The following HCN1 variants were observed in gnomAD, a reference collection of about 807,000 sequenced individuals.
HCN1 encodes potassium/sodium hyperpolarization-activated cyclic nucleotide-gated channel 1.
A neutral mutation model predicts 78.9 loss-of-function variants in HCN1; 13 were observed. The observed-to-expected ratio is 0.16, with a 90% CI of 0.11 to 0.26. The LOEUF is 0.26. Ranked by LOEUF, HCN1 falls within the 10% of genes least tolerant of loss-of-function variation. The probability of loss-of-function intolerance (pLI) is 1.00; values close to 1 mark genes in which losing one functional copy is unlikely to be tolerated. For synonymous variants in HCN1, 552 were observed against 455.5 expected (o/e 1.21, Z -2.70); for missense variants, 810 against 1,154.3 (o/e 0.70, Z 4.32).
chr5:45,465,091 G>T (rs1041652297), intron 2 of HCN1, among the ~76,000 whole-genome samples: 1 of 151,996 alleles, frequency 6.6e-6, no homozygotes, highest in Non-Finnish European at 1.5e-5. Context: ...TTGTCTTGGT[G>T]CTATTGCATG....
intron 2 of HCN1, among the ~76,000 whole-genome samples, chr5:45,606,287 C>T (rs1321293799): frequency 6.6e-6 from 1 of 151,748 alleles, no homozygotes; most frequent in Non-Finnish European, 1.5e-5. Context: ...CCACCTGGTA[C>T]AGAACAGATT....
intron 6 of HCN1, among the ~76,000 whole-genome samples, chr5:45,287,273 C>T (rs932400659): frequency 2.0e-5 from 3 of 151,830 alleles, no homozygotes; most frequent in African/African-American, 4.8e-5. Context: ...CACCACCAAC[C>T]TCTAGGCTCA....
chr5:45,655,375 T>A (rs1745745625), intron 1 of HCN1, among the ~76,000 whole-genome samples: 1 of 152,048 alleles, frequency 6.6e-6, no homozygotes, highest in Non-Finnish European at 1.5e-5. Context: ...AATCATCTAG[T>A]TTAGGACGCT....
chr5:45,459,401 CAAAA>C (rs34217584), intron 3 of HCN1, among the ~76,000 whole-genome samples: 1 of 111,634 alleles, frequency 9.0e-6, no homozygotes. Flanking sequence ...AATCTGCAGC[CAAAA>C]AAAAAAAAAA....
At chr5:45,321,804 T>C (rs1281511427) in intron 5 of HCN1, among the ~76,000 whole-genome samples, 1 of 151,914 alleles carries the variant, frequency 6.6e-6, no homozygotes, top group African/African-American at 2.4e-5. Context: ...ATCTTGCATT[T>C]TATTGCATAT....
At chr5:45,497,936 A>G (rs958978971) in intron 2 of HCN1, among the ~76,000 whole-genome samples, 2 of 152,084 alleles carry the variant, frequency 1.3e-5, no homozygotes, top group Admixed American at 6.6e-5. Flanking sequence ...TGGCTTGTAG[A>G]GTTTCTGCCG....
chr5:45,419,343 A>G (rs1011622735), intron 3 of HCN1, among the ~76,000 whole-genome samples: 3 of 152,172 alleles, frequency 2.0e-5, no homozygotes, highest in African/African-American at 7.2e-5. Context: ...ATACCCTCGG[A>G]GTGTGAAGAA....
Position 45,695,886 on chromosome 5 carries a change from C to T in HCN1, c.208G>A (p.Gly70Ser), listed in dbSNP as rs1255330911. The stretch of plus-strand genomic sequence containing the variant: ...GCCGGCTCCTCGCCGCCGCCGCCGC[C>T]GCCGCCACCGCCGCCACCGCCGTCC... ...KVDGGGGGGG[G>S]GGGGEEPAGG... The change falls in exon 1 of 8, where the codon GGC becomes AGC. Residue 70 changes from glycine to serine, a missense_variant. Physicochemically the swap from Gly to Ser is moderately conservative, Grantham distance 56. This residue lies in a region of HCN1 where 170 missense variants were observed against 166.8 expected (regional missense o/e 1.02). Transcript: ENST00000303230. 2 of 1,451,700 alleles carry T rather than the reference C, an allele frequency of 1.4e-6. No homozygotes were observed. Among genetic ancestry groups the T allele is most frequent in the African/African-American group, 1.6e-5 (1 of 62,606 alleles). 89.9% of individuals were successfully genotyped at this position (1,451,700 alleles called of 1,614,324 possible).
At chr5:45,426,458 T>G (rs975834754) in intron 3 of HCN1, among the ~76,000 whole-genome samples, 1 of 152,182 alleles carries the variant, frequency 6.6e-6, no homozygotes, top group Non-Finnish European at 1.5e-5. Context: ...ATCGTGGTTG[T>G]GAGTTTTACC....
intron 2 of HCN1, among the ~76,000 whole-genome samples, chr5:45,587,067 G>A (rs1579985579): frequency 6.6e-6 from 1 of 152,314 alleles, no homozygotes; most frequent in South Asian, 2.1e-4. Context: ...TGGAGAGGAT[G>A]TGGAGAACAA....
At chr5:45,321,230 T>C (rs1450551320) in intron 5 of HCN1, among the ~76,000 whole-genome samples, 2 of 151,894 alleles carry the variant, frequency 1.3e-5, no homozygotes, top group Non-Finnish European at 2.9e-5. Context: ...AGAAAGAGGA[T>C]GGGAACCTGA....
chr5:45,693,476 C>G (rs1457543490), intron 1 of HCN1, among the ~76,000 whole-genome samples: 1 of 152,008 alleles, frequency 6.6e-6, no homozygotes, highest in Admixed American at 6.6e-5. Context: ...TCAAATATTC[C>G]AAACTACTCC....
intron 6 of HCN1, among the ~76,000 whole-genome samples, chr5:45,293,818 C>T (rs1367055435): frequency 1.3e-5 from 2 of 151,850 alleles, no homozygotes; most frequent in African/African-American, 4.8e-5. Context: ...AAAGCTTCAG[C>T]TTGTGATTGT....
At chr5:45,468,344 A>T (rs1230961060) in intron 2 of HCN1, among the ~76,000 whole-genome samples, 4 of 152,112 alleles carry the variant, frequency 2.6e-5, no homozygotes, top group African/African-American at 9.6e-5. Context: ...ATCAATCATG[A>T]GTTGTAAAAT....
intron 2 of HCN1, among the ~76,000 whole-genome samples, chr5:45,599,856 C>T (rs1216551705): frequency 6.6e-6 from 1 of 151,772 alleles, no homozygotes; most frequent in African/African-American, 2.4e-5. Flanking sequence ...TTATCCTATG[C>T]TATTTCACTG....
intron 2 of HCN1, chr5:45,575,679 T>C (rs1743926749): frequency 6.6e-6 from 1 of 152,106 alleles, no homozygotes; most frequent in African/African-American, 2.4e-5. Context: ...TACCAAATAC[T>C]TTAAGCCCAC....
chr5:45,360,395 T>C (rs981575664), intron 4 of HCN1, among the ~76,000 whole-genome samples: 4 of 152,010 alleles, frequency 2.6e-5, no homozygotes, highest in Non-Finnish European at 5.9e-5. Context: ...ATGACTAATC[T>C]ATCTTAATTT....
intron 1 of HCN1, among the ~76,000 whole-genome samples, chr5:45,685,780 A>C (rs1303590266): frequency 1.3e-5 from 2 of 152,188 alleles, no homozygotes; most frequent in East Asian, 3.9e-4. Flanking sequence ...AGCATATATA[A>C]AATATGGCAT....
At chr5:45,415,143 A>G (rs1212566919) in intron 3 of HCN1, among the ~76,000 whole-genome samples, 1 of 152,020 alleles carries the variant, frequency 6.6e-6, no homozygotes, top group African/African-American at 2.4e-5. Context: ...TTTTCTAACC[A>G]TGATTTTACT....
Sources: gnomAD v4.1 joint callset for allele counts (sites outside exome capture counted in the v4.1 genomes callset) on GRCh38, gnomAD v4.1.1 for gene constraint, gnomAD v4.1.1 regional missense constraint, MANE v1.5 for transcripts, NCBI Gene and HGNC (gene_info 2026-07-23, HGNC 2026-07-21) for gene names.